The following CDH19 variants were observed in gnomAD, a reference collection of about 807,000 sequenced individuals.
The protein encoded by CDH19 is cadherin 19.
A neutral mutation model predicts 64.2 loss-of-function variants in CDH19; 67 were observed. The ratio of observed to expected loss-of-function variants is 1.04; its 90% confidence interval spans 0.86 to 1.28. The LOEUF (loss-of-function observed/expected upper bound fraction) is 1.28, where lower values mean the gene tolerates loss of function less well. CDH19 is among the 50% of genes most tolerant of loss of function. The pLI is 0.00. For missense variants in CDH19, 1,030 were observed against 929.0 expected (o/e 1.11, Z -1.41); for synonymous variants, 346 against 319.3 (o/e 1.08, Z -0.89).
chr18:66,564,826 T>C (rs1987847279), intron 3 of CDH19, among the ~76,000 whole-genome samples: 2 of 151,560 alleles, frequency 1.3e-5, no homozygotes, highest in African/African-American at 4.8e-5. Context: ...GTTTAATTGC[T>C]TATTAAGTAG....
chr18:66,522,891 C>T (rs1986057172), intron 9 of CDH19, among the ~76,000 whole-genome samples: 1 of 151,134 alleles, frequency 6.6e-6, no homozygotes, highest in Non-Finnish European at 1.5e-5. Context: ...TAATGTTTAC[C>T]TATAAATTAT....
At chr18:66,581,596 C>T (rs982453182) in intron 1 of CDH19, among the ~76,000 whole-genome samples, 2 of 152,104 alleles carry the variant, frequency 1.3e-5, no homozygotes, top group Non-Finnish European at 2.9e-5. Context: ...TGGCTTTCAT[C>T]TTCCTCCTGT....
rs541683974 is a variant in CDH19, at chr18:66,505,339, TAA to T, written c.1829-39_1829-38del. The T allele has an allele frequency of 2.5e-4, 358 of 1,459,438 alleles. 6 individuals are homozygous for T. In the South Asian group the frequency reaches 4.6e-3, roughly 19 times the overall value. 90.4% of individuals were successfully genotyped at this position (1,459,438 alleles called of 1,614,324 possible). ...AGCACATCAGAATATCAATAAACAA[TAA>T]AGAGTATTATAAACATTACAGTCTT... On this transcript the variant is annotated intron_variant, in intron 11 of 11. Coordinates refer to ENST00000262150, the MANE Select transcript of CDH19 (RefSeq NM_021153.4).
rs528156712 is a variant in CDH19 at position 66,561,869 on chromosome 18, C to A, written c.490+6547G>T. Among the ~76,000 whole-genome samples, 3 of 152,104 alleles carry A rather than the reference C, an allele frequency of 2.0e-5. No homozygotes were observed. The East Asian group carries it at 5.8e-4, about 30-fold the overall frequency. On this transcript the variant is annotated intron_variant, in intron 3 of 11. Transcript: ENST00000262150. ...GTTCCATTATTGTGTGGACAGTTGA[C>A]ATTGTTTGCATTACTCTGGAGAGAC...
In CDH19 at chr18:66,566,833, T is replaced by A. The variant is rs115844334; in HGVS notation, c.490+1583A>T. On this transcript the variant is annotated intron_variant, in intron 3 of 11. Transcript: ENST00000262150. ...TCAAGTCAGCCTGGATGCTTTTCTC[T>A]TCTCCAGCTACGTTCTCTGCCAAAG... Among the ~76,000 whole-genome samples, 830 of 152,036 alleles carry A rather than the reference T, an allele frequency of 5.5e-3. 8 individuals are homozygous for A. The highest frequency in any genetic ancestry group is 0.019 in the African/African-American group (798 of 41,524).
rs536488653 is a variant in CDH19 at position 66,516,098 on chromosome 18, T to C, written c.1459-4413A>G. Among the ~76,000 whole-genome samples the C allele has an allele frequency of 3.9e-5, 6 of 152,012 alleles. No individual in the cohort carries two copies. The East Asian group carries it at 9.7e-4, about 25-fold the overall frequency. On this transcript the variant is annotated intron_variant, in intron 9 of 11. Transcript: ENST00000262150. Reference sequence around the variant, plus strand: ...TTGTATCTGTGCTGAAATTAGAAGATCATACAGCAGAAGTGAGCAGGGGAT... The same window carrying C: ...TTGTATCTGTGCTGAAATTAGAAGACCATACAGCAGAAGTGAGCAGGGGAT...
chr18:66,528,899 C>T (rs1396708029), intron 9 of CDH19, among the ~76,000 whole-genome samples: 1 of 151,904 alleles, frequency 6.6e-6, no homozygotes, highest in Non-Finnish European at 1.5e-5. Flanking sequence ...ATCTGTATAA[C>T]TGTTTAGTAT....
At chr18:66,548,245 TTA>T (rs201306230) in intron 5 of CDH19, among the ~76,000 whole-genome samples, 3 of 98,722 alleles carry the variant, frequency 3.0e-5, no homozygotes, top group Non-Finnish European at 4.2e-5. Context: ...CTGAACCCCT[TTA>T]TATATATATA....
At chr18:66,575,549 G>C (rs1218324771) in intron 1 of CDH19, among the ~76,000 whole-genome samples, 2 of 151,792 alleles carry the variant, frequency 1.3e-5, no homozygotes, top group African/African-American at 4.8e-5. Flanking sequence ...GTACTGCCAG[G>C]TCAAGTCTTT....
intron 1 of CDH19, 148 bp from the exon 2 acceptor site, chr18:66,572,464 T>C (rs1325865580): frequency 3.2e-6 from 1 of 308,194 alleles, no homozygotes; most frequent in East Asian, 5.4e-5. Flanking sequence ...TGGCTAATTA[T>C]GATTTGTAGC....
intron 11 of CDH19, among the ~76,000 whole-genome samples, chr18:66,506,518 C>A (rs1985206198): frequency 6.6e-6 from 1 of 151,824 alleles, no homozygotes; most frequent in South Asian, 2.1e-4. Context: ...TCTGTGACAC[C>A]ACATAAATTT....
chr18:66,568,387 T>G (rs369173783), intron 3 of CDH19, 29 bp downstream of exon 3: 122 of 1,540,694 alleles, frequency 7.9e-5, no homozygotes, highest in Admixed American at 1.3e-4. Flanking sequence ...ATTGTTAATA[T>G]ATCTTTGATG....
At chr18:66,547,661 GTT>G (rs71169155) in intron 5 of CDH19, among the ~76,000 whole-genome samples, 61 of 80,164 alleles carry the variant, frequency 7.6e-4, no homozygotes, top group Admixed American at 1.2e-3. Context: ...TGTGTGTTAG[GTT>G]TTTTTTTTTT....
At chr18:66,601,991 A>AGTT (rs1240012189) in intron 1 of CDH19, among the ~76,000 whole-genome samples, 1 of 152,086 alleles carries the variant, frequency 6.6e-6, no homozygotes, top group Admixed American at 6.5e-5. Flanking sequence ...TTCCATACTT[A>AGTT]GTTGTGTTTC....
Position 66,501,119 on chromosome 18 carries a change from T to C in CDH19, c.*3693A>G, listed in dbSNP as rs566036796. On this transcript the variant is annotated 3_prime_UTR_variant, in exon 12 of 12. Transcript: ENST00000262150. ...ACTTTAATTCCATATTAATATTCTA[T>C]AAAAATAGTCAATGGAAACCAAAAG... 69 of 152,254 alleles carry C rather than the reference T, an allele frequency of 4.5e-4. No homozygotes were observed. The highest frequency in any genetic ancestry group is 1.7e-3 in the African/African-American group (69 of 41,572). The allele number at this position is 152,254 out of a possible 1,614,324, so 9.4% of individuals were successfully genotyped here.
intron 2 of CDH19, among the ~76,000 whole-genome samples, chr18:66,571,527 A>C (rs1050721741): frequency 1.3e-5 from 2 of 151,702 alleles, no homozygotes; most frequent in African/African-American, 4.8e-5. Flanking sequence ...GAAAGTGAAC[A>C]TAATTATTCC....
intron 1 of CDH19, among the ~76,000 whole-genome samples, chr18:66,600,007 G>C (rs1411661332): frequency 2.0e-5 from 3 of 151,904 alleles, no homozygotes; most frequent in Non-Finnish European, 4.4e-5. Flanking sequence ...GTTAATTCAT[G>C]TTACAAGCTG....
chr18:66,502,887 T>C lies in CDH19; in HGVS notation c.*1925A>G, dbSNP rs969759921. On this transcript the variant is annotated 3_prime_UTR_variant, in exon 12 of 12. Coordinates refer to ENST00000262150, the MANE Select transcript of CDH19 (RefSeq NM_021153.4). ...TTCTCAAGCTTTTGTGAAATGATAA[T>C]ATTTGTGTCACCAATTTAATGGTGC... is the stretch of plus-strand genomic sequence containing the variant. 1.3e-4 allele frequency: 20 copies of C among 152,068 alleles called. No individual in the cohort carries two copies. Among genetic ancestry groups the C allele is most frequent in the African/African-American group, 4.8e-4 (20 of 41,568 alleles). 9.4% of individuals were successfully genotyped at this position (152,068 alleles called of 1,614,324 possible).
At chr18:66,556,285 A>C (rs1270736703) in intron 3 of CDH19, among the ~76,000 whole-genome samples, 1 of 151,810 alleles carries the variant, frequency 6.6e-6, no homozygotes, top group East Asian at 1.9e-4. Context: ...GGAAAGAGCA[A>C]GTAAAATCTA....
Sources: gnomAD v4.1 joint callset for allele counts (sites outside exome capture counted in the v4.1 genomes callset) on GRCh38, gnomAD v4.1.1 for gene constraint, MANE v1.5 for transcripts, NCBI Gene and HGNC (gene_info 2026-07-23, HGNC 2026-07-21) for gene names.